The following DNAJC6 variants were observed in gnomAD, a reference collection of about 807,000 sequenced individuals.
DNAJC6 encodes DnaJ heat shock protein family (Hsp40) member C6.
In DNAJC6, 34 loss-of-function variants were observed where a neutral mutation model predicts 110.0. The observed-to-expected ratio is 0.31, with a 90% CI of 0.24 to 0.41. The LOEUF (loss-of-function observed/expected upper bound fraction) is 0.41, where lower values mean the gene tolerates loss of function less well. Among genes scored for constraint, DNAJC6 ranks in the 10% least tolerant of loss-of-function variants. DNAJC6 has a pLI of 1.00. For missense variants in DNAJC6, 1,031 were observed against 1,207.8 expected (o/e 0.85, Z 2.17); for synonymous variants, 406 against 437.2 (o/e 0.93, Z 0.89).
At chr1:65,307,000 C>CTA (rs1557511836), upstream of DNAJC6, among the ~76,000 whole-genome samples, 1 of 115,654 alleles carries the variant, frequency 8.6e-6, no homozygotes, top group Admixed American at 9.4e-5. Flanking sequence ...CTCTCTCTCT[C>CTA]TCTCTCTCTC....
At chr1:65,361,203 C>T (rs948793226) in intron 1 of DNAJC6, among the ~76,000 whole-genome samples, 3 of 152,194 alleles carry the variant, frequency 2.0e-5, no homozygotes, top group African/African-American at 7.2e-5. Flanking sequence ...CTATATGAAA[C>T]TGTACTATCA....
upstream of DNAJC6, among the ~76,000 whole-genome samples, chr1:65,306,086 T>TTG (rs900585715): frequency 7.9e-5 from 12 of 151,548 alleles, no homozygotes; most frequent in African/African-American, 2.9e-4. Context: ...ATTTTTTTTT[T>TTG]TTTTTTTTTG....
intron 1 of DNAJC6, among the ~76,000 whole-genome samples, chr1:65,277,775 C>T (rs1258413856): frequency 6.6e-6 from 1 of 152,154 alleles, no homozygotes. Flanking sequence ...TTGAGATACT[C>T]TCCAAGTGGG....
upstream of DNAJC6, among the ~76,000 whole-genome samples, chr1:65,305,198 A>G (rs1044415954): frequency 2.6e-5 from 4 of 152,252 alleles, no homozygotes; most frequent in African/African-American, 9.6e-5. Context: ...TGCTTAGCCA[A>G]AACTCTTTGT....
chr1:65,398,932 T>C, intron 14 of DNAJC6, 51 bp downstream of exon 14: 1 of 1,587,406 alleles, frequency 6.3e-7, no homozygotes, highest in Non-Finnish European at 8.6e-7. Context: ...AAAAGCATAA[T>C]CCTTACCCAA....
intron 1 of DNAJC6, among the ~76,000 whole-genome samples, chr1:65,336,999 TTTGTTGTTG>T (rs372742654): frequency 1.3e-5 from 2 of 151,750 alleles, no homozygotes; most frequent in African/African-American, 2.4e-5. Flanking sequence ...CTGTGTAATT[TTTGTTGTTG>T]TTGTTGTTGT....
At chr1:65,311,565 T>A (rs553936264) in intron 1 of DNAJC6, among the ~76,000 whole-genome samples, 1 of 152,336 alleles carries the variant, frequency 6.6e-6, no homozygotes, top group East Asian at 1.9e-4. Flanking sequence ...ATTCAATGTA[T>A]GTTTTTTCAA....
intron 1 of DNAJC6, among the ~76,000 whole-genome samples, chr1:65,282,797 A>G (rs1334303210): frequency 6.6e-6 from 1 of 152,152 alleles, no homozygotes; most frequent in Non-Finnish European, 1.5e-5. Context: ...TTAAAAAGGG[A>G]TTGAAAAGAA....
intron 1 of DNAJC6, among the ~76,000 whole-genome samples, chr1:65,290,687 T>C (rs1336447633): frequency 3.9e-5 from 6 of 152,220 alleles, no homozygotes; most frequent in Non-Finnish European, 8.8e-5. Flanking sequence ...CAGTTAGCAT[T>C]TGAACTTAAT....
At chr1:65,311,367 G>A (rs986173387) in intron 1 of DNAJC6, among the ~76,000 whole-genome samples, 46 of 152,072 alleles carry the variant, frequency 3.0e-4, no homozygotes, top group Admixed American at 2.9e-3. Flanking sequence ...TGGGATTACA[G>A]GCACCTGTCA....
At chr1:65,396,540 G>A (rs1021769314) in intron 13 of DNAJC6, among the ~76,000 whole-genome samples, 2 of 152,064 alleles carry the variant, frequency 1.3e-5, no homozygotes, top group Admixed American at 1.3e-4. Flanking sequence ...GCATCTGCAT[G>A]GCTAAGTCCT....
At chr1:65,305,947 T>G (rs1645033072), upstream of DNAJC6, among the ~76,000 whole-genome samples, 1 of 152,174 alleles carries the variant, frequency 6.6e-6, no homozygotes, top group Admixed American at 6.5e-5. Flanking sequence ...TACTATAACC[T>G]TATTATGATG....
intron 14 of DNAJC6, among the ~76,000 whole-genome samples, chr1:65,400,614 A>G (rs921510551): frequency 2.0e-5 from 3 of 152,218 alleles, no homozygotes; most frequent in African/African-American, 7.2e-5. Context: ...TATTTCACGT[A>G]ACATAATGCT....
rs192445298 is a variant in DNAJC6 at position 65,387,011 on chromosome 1, T to G, written c.1113+82T>G. ...TTCTGAATCTTTTCTCCCCATCACTTTGGGCTTGAGTCACTTGTAGTTTTA... is the reference window on the plus strand; with the variant it reads ...TTCTGAATCTTTTCTCCCCATCACTGTGGGCTTGAGTCACTTGTAGTTTTA... On this transcript the variant is annotated intron_variant, in intron 8 of 18. Transcript: ENST00000371069. 2.3e-5 allele frequency: 28 copies of G among 1,210,626 alleles called. No homozygotes were observed. In the African/African-American group the frequency reaches 3.4e-4, roughly 15 times the overall value. The allele number at this position is 1,210,626 out of a possible 1,614,324, so 75.0% of individuals were successfully genotyped here. A position where few individuals can be genotyped will look rare whatever the true frequency, so the allele number is the denominator to read the frequency against.
chr1:65,354,020 C>T (rs1645517469), intron 1 of DNAJC6, among the ~76,000 whole-genome samples: 1 of 152,120 alleles, frequency 6.6e-6, no homozygotes. Flanking sequence ...AGCTCAGTTT[C>T]ACATACTTTT....
intron 1 of DNAJC6, among the ~76,000 whole-genome samples, chr1:65,291,455 C>T (rs1243262810): frequency 2.6e-5 from 4 of 152,196 alleles, no homozygotes; most frequent in Non-Finnish European, 5.9e-5. Flanking sequence ...GAATCTATAG[C>T]ATTCCTATTA....
chr1:65,270,791 G>C (rs1653478592), intron 1 of DNAJC6, among the ~76,000 whole-genome samples: 1 of 152,138 alleles, frequency 6.6e-6, no homozygotes, highest in Non-Finnish European at 1.5e-5. Flanking sequence ...CAATTCTCCT[G>C]CCTCAGCCTC....
At position 65,280,928 on chromosome 1, in the gene DNAJC6, C is replaced by T. The variant is rs1321244315; in HGVS notation, c.-131+15996C>T. Among the ~76,000 whole-genome samples, 3 of 151,982 alleles carry T rather than the reference C, an allele frequency of 2.0e-5. No individual in the cohort carries two copies. The East Asian group carries it at 5.8e-4, about 29-fold the overall frequency. On this transcript the variant is annotated intron_variant, in intron 1 of 19. Transcript: ENST00000263441. ...TACATGGCTAAAAAAAATTAAGTTT[C>T]ACGTTTCAAATTTTATTTTATTTTT...
chr1:65,367,873 A>ATT (rs67626971), intron 4 of DNAJC6, among the ~76,000 whole-genome samples: 11 of 136,938 alleles, frequency 8.0e-5, no homozygotes, highest in African/African-American at 1.8e-4. Context: ...AGGAGGGAGC[A>ATT]TTTTTTTTTT....
Sources: gnomAD v4.1 joint callset for allele counts (sites outside exome capture counted in the v4.1 genomes callset) on GRCh38, gnomAD v4.1.1 for gene constraint, MANE v1.5 for transcripts, NCBI Gene and HGNC (gene_info 2026-07-23, HGNC 2026-07-21) for gene names.